PBX3: variants seen among roughly 807,000 people sequenced by gnomAD.
PBX3 encodes pre-B-cell leukemia transcription factor 3.
PBX3 carries 14 observed loss-of-function variants against 48.5 expected under a neutral mutation model. That is an observed-to-expected ratio of 0.29 (90% CI 0.19 to 0.45). PBX3 has a LOEUF of 0.45. PBX3 is among the 20% of genes least tolerant of loss of function. PBX3 has a pLI of 1.00. For synonymous variants in PBX3, 210 were observed against 200.3 expected (o/e 1.05, Z -0.41); for missense variants, 386 against 546.7 (o/e 0.71, Z 2.93).
At chr9:125,793,260 G>A (rs1165674982) in intron 2 of PBX3, among the ~76,000 whole-genome samples, 1 of 150,092 alleles carries the variant, frequency 6.7e-6, no homozygotes, top group African/African-American at 2.5e-5. Flanking sequence ...GCTGAGGCGG[G>A]AGAATGGCGT....
At chr9:125,833,021 C>T (rs1320693406) in intron 2 of PBX3, among the ~76,000 whole-genome samples, 2 of 152,118 alleles carry the variant, frequency 1.3e-5, no homozygotes, top group Admixed American at 6.6e-5. Flanking sequence ...TCGGGAAGTT[C>T]CAGCATCTGT....
At chr9:125,779,907 T>C (rs1837201370) in intron 2 of PBX3, among the ~76,000 whole-genome samples, 1 of 111,768 alleles carries the variant, frequency 8.9e-6, no homozygotes. Flanking sequence ...CCCACCTCCC[T>C]CCCGGACGGG....
chr9:125,911,036 T>G (rs940216444), intron 2 of PBX3, among the ~76,000 whole-genome samples: 4 of 152,218 alleles, frequency 2.6e-5, no homozygotes, highest in African/African-American at 9.6e-5. Flanking sequence ...GTCCACCCAC[T>G]GTTTAACTGA....
intron 2 of PBX3, among the ~76,000 whole-genome samples, chr9:125,805,970 A>G (rs1838113046): frequency 6.6e-6 from 1 of 152,220 alleles, no homozygotes; most frequent in African/African-American, 2.4e-5. Flanking sequence ...AATAAGCCAA[A>G]TAAGTTTTTA....
intron 2 of PBX3, among the ~76,000 whole-genome samples, chr9:125,874,219 A>G (rs1450173185): frequency 6.8e-6 from 1 of 146,938 alleles, no homozygotes; most frequent in Non-Finnish European, 1.5e-5. Context: ...TGCCATAAAG[A>G]GAACATCAGG....
At chr9:125,885,182 T>A (rs73667278) in intron 2 of PBX3, among the ~76,000 whole-genome samples, 5,657 of 152,210 alleles carry the variant, frequency 0.037, 371 homozygotes, top group African/African-American at 0.13. Context: ...TAGATAAAAA[T>A]ACATACATAG....
intron 5 of PBX3, among the ~76,000 whole-genome samples, chr9:125,955,659 AAC>A (rs1490349856): frequency 6.6e-6 from 1 of 152,188 alleles, no homozygotes; most frequent in Non-Finnish European, 1.5e-5. Flanking sequence ...ATTGGATTGA[AAC>A]GGAGGTCCCG....
intron 2 of PBX3, among the ~76,000 whole-genome samples, chr9:125,752,499 A>G (rs1337913683): frequency 6.6e-6 from 1 of 152,218 alleles, no homozygotes; most frequent in Non-Finnish European, 1.5e-5. Context: ...TTAGTATATG[A>G]TGTGAGATTA....
chr9:125,826,653 G>T (rs1007914937), intron 2 of PBX3, among the ~76,000 whole-genome samples: 1 of 152,088 alleles, frequency 6.6e-6, no homozygotes, highest in African/African-American at 2.4e-5. Flanking sequence ...GGTAATGTCA[G>T]TACTAAGTAT....
chr9:125,918,798 A>G (rs1283601394), intron 3 of PBX3, among the ~76,000 whole-genome samples: 1 of 152,142 alleles, frequency 6.6e-6, no homozygotes, highest in South Asian at 2.1e-4. Flanking sequence ...TAGTTCTCCA[A>G]AGTTATTAGG....
At chr9:125,839,733 T>C (rs910892938) in intron 2 of PBX3, among the ~76,000 whole-genome samples, 2 of 152,148 alleles carry the variant, frequency 1.3e-5, no homozygotes, top group Non-Finnish European at 2.9e-5. Context: ...ATATATTGTA[T>C]GGACAAGAAG....
intron 2 of PBX3, among the ~76,000 whole-genome samples, chr9:125,889,892 G>T (rs1042527920): frequency 4.7e-5 from 7 of 148,726 alleles, no homozygotes; most frequent in Admixed American, 4.7e-4. Flanking sequence ...CGCGCTGCCC[G>T]GCGCGCCCCG....
In PBX3 at chr9:125,854,498, GC is replaced by G. The variant is rs1361290712; in HGVS notation, c.275-61185del. On this transcript the variant is annotated intron_variant, in intron 2 of 8. Transcript: ENST00000373489. ...GACACCCCCTGCTTCCCAAATAATT[GC>G]CCTTCAAATTGTATTTGCAGAATTG... is the stretch of plus-strand genomic sequence containing the variant. Among the ~76,000 whole-genome samples, 3 of 152,118 alleles carry G rather than the reference GC, an allele frequency of 2.0e-5. No individual in the cohort carries two copies. The East Asian group carries it at 5.8e-4, about 29-fold the overall frequency.
Position 125,965,985 on chromosome 9 carries a change from G to A in PBX3, c.*62G>A. 2 of 1,241,992 alleles carry A rather than the reference G, an allele frequency of 1.6e-6. No homozygotes were observed. The highest frequency in any genetic ancestry group is 1.2e-6 in the Non-Finnish European group (1 of 851,958). 76.9% of individuals were successfully genotyped at this position (1,241,992 alleles called of 1,614,324 possible). A position where few individuals can be genotyped will look rare whatever the true frequency, so the allele number is the denominator to read the frequency against. The stretch of plus-strand genomic sequence containing the variant: ...ATAAGTGCATTCAGAGCAATAGGAG[G>A]AAAAGGAAAGCGTTTTTGTAGCCCA... On this transcript the variant is annotated 3_prime_UTR_variant, in exon 9 of 9. Coordinates refer to ENST00000373489, the MANE Select transcript of PBX3 (RefSeq NM_006195.6).
At chr9:125,748,403 A>G (rs1276278871) in intron 1 of PBX3, 147 bp from the exon 2 acceptor site, 1 of 1,420,380 alleles carries the variant, frequency 7.0e-7, no homozygotes, top group Non-Finnish European at 9.3e-7. Context: ...GAACTAGTCA[A>G]CTGGAGTTTT....
chr9:125,788,975 A>T (rs1441847089), intron 2 of PBX3, among the ~76,000 whole-genome samples: 1 of 151,086 alleles, frequency 6.6e-6, no homozygotes, highest in Non-Finnish European at 1.5e-5. Flanking sequence ...CACCATTCTT[A>T]TTAGTGTTTA....
At chr9:125,949,568 A>C in intron 5 of PBX3, 1 of 1,300,670 alleles carries the variant, frequency 7.7e-7, no homozygotes, top group Non-Finnish European at 1.0e-6. Flanking sequence ...AAAATGCATG[A>C]GATTCATTTT....
At chr9:125,852,525 A>C (rs918308531) in intron 2 of PBX3, among the ~76,000 whole-genome samples, 1 of 152,164 alleles carries the variant, frequency 6.6e-6, no homozygotes, top group Admixed American at 6.5e-5. Flanking sequence ...TGGAATAAGC[A>C]CTGTAGTGTG....
At position 125,887,810 on chromosome 9, in the gene PBX3, T is replaced by C. The variant is rs554467647; in HGVS notation, c.275-27876T>C. 2.0e-5 allele frequency among the ~76,000 whole-genome samples: 3 copies of C among 152,308 alleles called. No homozygotes were observed. In the East Asian group the frequency reaches 5.8e-4, roughly 29 times the overall value. ...AGAAAGTAAGGGTAAATTTATCTCATGTTTATCAAGCATAGTGTCTGGACA... is the reference window on the plus strand; with the variant it reads ...AGAAAGTAAGGGTAAATTTATCTCACGTTTATCAAGCATAGTGTCTGGACA... On this transcript the variant is annotated intron_variant, in intron 2 of 8. Transcript: ENST00000373489.
Sources: gnomAD v4.1 joint callset for allele counts (sites outside exome capture counted in the v4.1 genomes callset) on GRCh38, gnomAD v4.1.1 for gene constraint, MANE v1.5 for transcripts, NCBI Gene and HGNC (gene_info 2026-07-23, HGNC 2026-07-21) for gene names.